RC3H2: variants seen among roughly 807,000 people sequenced by gnomAD.
The protein encoded by RC3H2 is ring finger and CCCH-type domains 2.
In RC3H2, 31 loss-of-function variants were observed where a neutral mutation model predicts 133.3. That is an observed-to-expected ratio of 0.23 (90% confidence interval 0.17 to 0.31). RC3H2 has a LOEUF of 0.31. RC3H2 is among the 10% of genes least tolerant of loss of function. The pLI is 1.00. For missense variants in RC3H2, 1,175 were observed against 1,437.2 expected (o/e 0.82, Z 2.95); for synonymous variants, 517 against 502.2 (o/e 1.03, Z -0.40).
intron 9 of RC3H2, among the ~76,000 whole-genome samples, chr9:122,872,650 G>A (rs934943093): frequency 1.3e-5 from 2 of 152,002 alleles, no homozygotes; most frequent in Non-Finnish European, 2.9e-5. Context: ...TTGGAGTGCA[G>A]TGGTGCTCAC....
chr9:122,880,572 C>T, intron 6 of RC3H2, 22 bp downstream of exon 6: 1 of 1,562,970 alleles, frequency 6.4e-7, no homozygotes, highest in Non-Finnish European at 8.8e-7. Flanking sequence ...GATAGAACAT[C>T]AGCATCTCTA....
chr9:122,891,695 C>T (rs1832182096), intron 3 of RC3H2, among the ~76,000 whole-genome samples: 1 of 152,092 alleles, frequency 6.6e-6, no homozygotes, highest in East Asian at 1.9e-4. Flanking sequence ...GATAGCTGTT[C>T]AATAAATGAA....
chr9:122,854,466 G>T, intron 16 of RC3H2, 65 bp downstream of exon 16: 1 of 1,292,630 alleles, frequency 7.7e-7, no homozygotes, highest in Non-Finnish European at 1.1e-6. Flanking sequence ...GGGGTAGAAT[G>T]TGTACCCTTA....
In RC3H2 at chr9:122,882,142, A is replaced by AG. The variant is rs200225032; in HGVS notation, c.759+1061dup. 8.8e-4 allele frequency among the ~76,000 whole-genome samples: 134 copies of AG among 152,354 alleles called. 1 individual carries two copies. The East Asian group carries it at 0.013, about 15-fold the overall frequency. Reference sequence around the variant, plus strand: ...TTCTGCTACCAGAGAAATTATCATCAGGGTATTTACATAGCTTTAATTTCT... The same window carrying AG: ...TTCTGCTACCAGAGAAATTATCATCAGGGGTATTTACATAGCTTTAATTTCT... On this transcript the variant is annotated intron_variant, in intron 5 of 20. Transcript: ENST00000357244.
chr9:122,873,228 A>G (rs553920405), intron 9 of RC3H2, among the ~76,000 whole-genome samples: 1 of 152,320 alleles, frequency 6.6e-6, no homozygotes, highest in East Asian at 1.9e-4. Context: ...AGCAATATGT[A>G]TTTTTTAAAC....
chr9:122,890,282 TA>T, intron 4 of RC3H2, 29 bp downstream of exon 4: 1 of 1,583,576 alleles, frequency 6.3e-7, no homozygotes, highest in Non-Finnish European at 8.7e-7. Flanking sequence ...CAATAGCTAA[TA>T]AAAAAGGTAA....
chr9:122,893,654 T>C (rs1334391552), intron 2 of RC3H2, among the ~76,000 whole-genome samples: 1 of 152,244 alleles, frequency 6.6e-6, no homozygotes, highest in Non-Finnish European at 1.5e-5. Context: ...TGGAAAGTTA[T>C]ACAAGTTCTC....
At position 122,880,800 on chromosome 9, in the gene RC3H2, A is replaced by C; in HGVS notation, c.760-6T>G. On this transcript the variant is annotated splice_region_variant and splice_polypyrimidine_tract_variant and intron_variant, in intron 5 of 20. Coordinates refer to ENST00000357244, the MANE Select transcript of RC3H2 (RefSeq NM_001100588.3). ...TCTTCATCTCTTTTGGTAACCTAAA[A>C]AATAGAAAAGAGAAAAATCAGAATT... 1 of 1,608,662 alleles carries C rather than the reference A, an allele frequency of 6.2e-7. No individual in the cohort carries two copies. The highest frequency in any genetic ancestry group is 8.5e-7 in the Non-Finnish European group (1 of 1,175,198).
At chr9:122,863,677 T>C (rs1451535469) in intron 10 of RC3H2, among the ~76,000 whole-genome samples, 1 of 152,214 alleles carries the variant, frequency 6.6e-6, no homozygotes, top group African/African-American at 2.4e-5. Context: ...ATAACATTTG[T>C]TAACTAGACC....
At position 122,854,547 on chromosome 9, in the gene RC3H2, C is replaced by T; in HGVS notation, c.2884G>A (p.Ala962Thr). The change falls in exon 16 of 21, where the codon GCA (alanine) becomes ACA (threonine). Residue 962 changes from alanine to threonine, a missense_variant. This residue lies in a region of RC3H2 where 138 missense variants were observed against 215.0 expected (regional missense o/e 0.64). Coordinates refer to ENST00000357244, the MANE Select transcript of RC3H2 (RefSeq NM_001100588.3). The stretch of plus-strand genomic sequence containing the variant: ...GAACGTTACCTTTCAACATAGTGTG[C>T]TGATGATGTGGCCTCGTTGCCATAT... The part of the protein sequence containing the change: ...SSYGNEATSS[A>T]HYVERDRFIV... The T allele has an allele frequency of 6.2e-7, 1 of 1,612,058 alleles. No homozygotes were observed. The highest frequency in any genetic ancestry group is 8.5e-7 in the Non-Finnish European group (1 of 1,178,118).
intron 9 of RC3H2, among the ~76,000 whole-genome samples, chr9:122,869,210 C>T (rs1830942579): frequency 6.6e-6 from 1 of 151,856 alleles, no homozygotes; most frequent in South Asian, 2.1e-4. Flanking sequence ...CTGGCCCCTA[C>T]AACATTTTTA....
rs962591822 is a variant in RC3H2, at chr9:122,905,115, G to A, written c.-73C>T. On this transcript the variant is annotated 5_prime_UTR_variant, in exon 1 of 21. Coordinates refer to ENST00000357244, the MANE Select transcript of RC3H2 (RefSeq NM_001100588.3). Reference sequence around the variant, plus strand: ...CGTGCCCGCCCCCGCCCTACCTGAGGGGGCCCGGGCGGGGTCGCTAAGGGC... The same window carrying A: ...CGTGCCCGCCCCCGCCCTACCTGAGAGGGCCCGGGCGGGGTCGCTAAGGGC... 5.5e-5 allele frequency: 54 copies of A among 985,402 alleles called. No individual in the cohort carries two copies. Among genetic ancestry groups the A allele is most frequent in the East Asian group, 2.3e-4 (2 of 8,782 alleles). 61.0% of individuals were successfully genotyped at this position (985,402 alleles called of 1,614,324 possible). A position where few individuals can be genotyped will look rare whatever the true frequency, so the allele number is the denominator to read the frequency against.
intron 1 of RC3H2, among the ~76,000 whole-genome samples, chr9:122,898,614 T>C (rs1832521376): frequency 6.6e-6 from 1 of 152,030 alleles, no homozygotes; most frequent in African/African-American, 2.4e-5. Context: ...CCAGACGTGG[T>C]GGCACATGCC....
At chr9:122,875,002 C>T in intron 9 of RC3H2, 1 of 666,904 alleles carries the variant, frequency 1.5e-6, no homozygotes, top group Non-Finnish European at 2.3e-6. Context: ...TCTTCTCTGA[C>T]TTTTTTAGTC....
chr9:122,885,010 G>C (rs567511789), intron 4 of RC3H2, among the ~76,000 whole-genome samples: 1 of 152,184 alleles, frequency 6.6e-6, no homozygotes, highest in African/African-American at 2.4e-5. Context: ...TCTTGAACTG[G>C]ATCTCACACT....
chr9:122,853,378 T>TAAA (rs72033785), intron 18 of RC3H2, among the ~76,000 whole-genome samples: 7,945 of 83,482 alleles, frequency 0.095, 845 homozygotes, highest in East Asian at 0.52. Context: ...GAATGATCAA[T>TAAA]AAAAAAAAAA....
chr9:122,853,916 C>G, intron 18 of RC3H2, 36 bp downstream of exon 18: 1 of 1,614,220 alleles, frequency 6.2e-7, no homozygotes, highest in South Asian at 1.1e-5. Context: ...AAAACAAATA[C>G]ATTAAGCATG....
chr9:122,849,652 G>A lies in RC3H2; in HGVS notation c.3551C>T (p.Ala1184Val), dbSNP rs746892928. ...EDKNDFLKPVANGKMVNS is the reference protein window; with the variant it reads ...EDKNDFLKPVVNGKMVNS ...TCAGCTGTTAACCATCTTCCCATTT[G>A]CAACAGGTTTTAAAAAGTCGTTTTT... The change falls in exon 21 of 21, where the codon GCA (alanine) becomes GTA (valine). Residue 1184 changes from alanine (A) to valine (V), a missense_variant. Ala to Val is a moderately conservative substitution (Grantham distance 64). Coordinates refer to ENST00000357244, the MANE Select transcript of RC3H2 (RefSeq NM_001100588.3). The A allele has an allele frequency of 6.2e-7, 1 of 1,612,834 alleles. No individual in the cohort carries two copies. The highest frequency in any genetic ancestry group is 1.1e-5 in the South Asian group (1 of 90,984).
intron 13 of RC3H2, among the ~76,000 whole-genome samples, chr9:122,857,325 T>C (rs1431994108): frequency 6.6e-6 from 1 of 151,434 alleles, no homozygotes; most frequent in Non-Finnish European, 1.5e-5. Context: ...AAACACCAGA[T>C]TAAATTAAAA....
Sources: allele counts gnomAD v4.1 joint callset (sites outside exome capture counted in the v4.1 genomes callset), GRCh38; gene constraint gnomAD v4.1.1; regional missense constraint gnomAD v4.1.1; transcripts MANE v1.5; gene names NCBI Gene and HGNC (gene_info 2026-07-23, HGNC 2026-07-21).